The following GPC6 variants were observed in gnomAD, a reference collection of about 807,000 sequenced individuals.
GPC6 encodes glypican-6.
Under a neutral mutation model 55.2 loss-of-function variants are expected in GPC6, and 14 were observed. The observed-to-expected ratio is 0.25, with a 90% CI of 0.17 to 0.40. The LOEUF (loss-of-function observed/expected upper bound fraction) is 0.40. Ranked by LOEUF, GPC6 falls within the 10% of genes least tolerant of loss-of-function variation. The probability of loss-of-function intolerance (pLI) is 1.00; values close to 1 mark genes in which losing one functional copy is unlikely to be tolerated. For missense variants in GPC6, 641 were observed against 708.5 expected, an observed-to-expected ratio of 0.90 and a Z score of 1.08; for synonymous variants, 278 against 259.6, an observed-to-expected ratio of 1.07 and a Z score of -0.68.
chr13:94,043,200 A>G (rs1259012039), intron 4 of GPC6, among the ~76,000 whole-genome samples: 1 of 151,770 alleles, frequency 6.6e-6, no homozygotes, highest in Non-Finnish European at 1.5e-5. Flanking sequence ...TAGTTCCTTT[A>G]TTGGAGAATG....
Position 93,286,886 on chromosome 13 carries a change from G to T in GPC6, c.160+59270G>T, listed in dbSNP as rs999336009. Among the ~76,000 whole-genome samples, 106 of 152,238 alleles carry T rather than the reference G, an allele frequency of 7.0e-4. 3 individuals carry two copies. Among genetic ancestry groups the T allele is most frequent in the Middle Eastern group, 3.4e-3 (1 of 294 alleles). ...ATTGGCATTCCCAAATCTGATACCT[G>T]AAATGCTCTAAAATTCCAAGCTTTT... is the stretch of plus-strand genomic sequence containing the variant. On this transcript the variant is annotated intron_variant, in intron 1 of 8. Transcript: ENST00000377047.
chr13:93,492,646 T>C (rs1160071995), intron 1 of GPC6, among the ~76,000 whole-genome samples: 2 of 150,768 alleles, frequency 1.3e-5, no homozygotes, highest in Non-Finnish European at 3.0e-5. Context: ...CGGTATGATA[T>C]TGGCTGTGGG....
intron 4 of GPC6, among the ~76,000 whole-genome samples, chr13:94,107,080 C>T (rs925390981): frequency 2.6e-5 from 4 of 152,060 alleles, no homozygotes; most frequent in African/African-American, 7.2e-5. Flanking sequence ...CAAAAAAAGA[C>T]GCAGTTGAAA....
Position 93,926,082 on chromosome 13 carries a change from A to G in GPC6, c.711+95537A>G, listed in dbSNP as rs112717673. 7.7e-3 allele frequency among the ~76,000 whole-genome samples: 1,177 copies of G among 152,302 alleles called. 21 individuals carry two copies. The highest frequency in any genetic ancestry group is 0.027 in the African/African-American group (1,107 of 41,576). On this transcript the variant is annotated intron_variant, in intron 3 of 8. Transcript: ENST00000377047. ...TGACTGACTGCCAGCAAGCATTCCA[A>G]TAGAGCAAGGTGGAAGCCTTAGTGA...
chr13:93,895,261 T>TGC (rs1372268059), intron 3 of GPC6, among the ~76,000 whole-genome samples: 1 of 141,234 alleles, frequency 7.1e-6, no homozygotes. Context: ...TATATATATA[T>TGC]ATATATATAT....
intron 4 of GPC6, among the ~76,000 whole-genome samples, chr13:94,200,668 G>C (rs998878225): frequency 6.6e-6 from 1 of 152,222 alleles, no homozygotes; most frequent in African/African-American, 2.4e-5. Flanking sequence ...ATGATAGTTT[G>C]CATGGTTGGA....
intron 3 of GPC6, among the ~76,000 whole-genome samples, chr13:93,995,948 G>A (rs1881532301): frequency 6.6e-6 from 1 of 152,120 alleles, no homozygotes; most frequent in African/African-American, 2.4e-5. Flanking sequence ...AAATGAATGT[G>A]TTCCATTATG....
chr13:93,221,242 G>A, the GPC6 span, among the ~76,000 whole-genome samples: 10,268 of 152,156 alleles, frequency 0.067, 397 homozygotes, highest in South Asian at 0.11. Flanking sequence ...TTTAGGTAAC[G>A]ATGAGTAAAT....
intron 3 of GPC6, among the ~76,000 whole-genome samples, chr13:93,968,713 G>A (rs1880154100): frequency 1.3e-5 from 2 of 152,060 alleles, no homozygotes; most frequent in Admixed American, 1.3e-4. Flanking sequence ...AATACATAAA[G>A]GTGATTCCAT....
chr13:94,309,639 CT>C (rs1876133688), intron 6 of GPC6, among the ~76,000 whole-genome samples: 1 of 151,736 alleles, frequency 6.6e-6, no homozygotes, highest in African/African-American at 2.4e-5. Context: ...ACATACTACC[CT>C]AAAGTGGTTT....
intron 3 of GPC6, among the ~76,000 whole-genome samples, chr13:93,990,594 C>A (rs1594647319): frequency 6.6e-6 from 1 of 152,042 alleles, no homozygotes; most frequent in African/African-American, 2.4e-5. Context: ...CAGTGGCTCA[C>A]ACCTGTAGCC....
chr13:93,747,907 G>A (rs1374545154), intron 2 of GPC6, among the ~76,000 whole-genome samples: 1 of 152,162 alleles, frequency 6.6e-6, no homozygotes, highest in Non-Finnish European at 1.5e-5. Context: ...TTCCTAGACT[G>A]CGGGCCTTTC....
intron 3 of GPC6, among the ~76,000 whole-genome samples, chr13:94,005,680 C>T (rs1340244468): frequency 2.0e-5 from 3 of 152,112 alleles, no homozygotes; most frequent in African/African-American, 7.2e-5. Context: ...TGCAGTGAGA[C>T]TGTATTCTAA....
chr13:93,221,286 G>A, the GPC6 span, among the ~76,000 whole-genome samples: 6 of 152,242 alleles, frequency 3.9e-5, no homozygotes, highest in South Asian at 1.0e-3. Context: ...TATTGTCTAA[G>A]TTTCTGACAT....
chr13:93,564,551 G>T (rs1875990804), intron 2 of GPC6, among the ~76,000 whole-genome samples: 1 of 152,134 alleles, frequency 6.6e-6, no homozygotes, highest in Non-Finnish European at 1.5e-5. Context: ...CTAGAAGCAG[G>T]TTGTGAAAGT....
chr13:93,816,525 CTT>C (rs547458706), intron 2 of GPC6, among the ~76,000 whole-genome samples: 2 of 144,250 alleles, frequency 1.4e-5, no homozygotes, highest in Non-Finnish European at 3.1e-5. Context: ...CCTCTTTATG[CTT>C]TTTTTTTTTT....
chr13:93,591,163 A>G (rs2139507488), intron 2 of GPC6, among the ~76,000 whole-genome samples: 1 of 151,810 alleles, frequency 6.6e-6, no homozygotes, highest in East Asian at 1.9e-4. Flanking sequence ...GCAAAAGAAA[A>G]AAAAAAAAGG....
intron 4 of GPC6, among the ~76,000 whole-genome samples, chr13:94,282,449 A>G (rs1892411611): frequency 6.6e-6 from 1 of 152,166 alleles, no homozygotes; most frequent in African/African-American, 2.4e-5. Context: ...CCATGATTCA[A>G]TTATCTCCCA....
chr13:93,553,556 A>G (rs1470201559), intron 2 of GPC6, among the ~76,000 whole-genome samples: 1 of 151,860 alleles, frequency 6.6e-6, no homozygotes, highest in African/African-American at 2.4e-5. Context: ...TTAGCTGGGC[A>G]CGGGGGCATG....
Sources: gnomAD v4.1 joint callset for allele counts (sites outside exome capture counted in the v4.1 genomes callset) on GRCh38, gnomAD v4.1.1 for gene constraint, MANE v1.5 for transcripts, NCBI Gene and HGNC (gene_info 2026-07-23, HGNC 2026-07-21) for gene names.